Variants in SLC22A23 observed in about 807,000 individuals in gnomAD.
SLC22A23 encodes solute carrier family 22 member 23, also known as ion transporter protein.
In SLC22A23, 26 loss-of-function variants were observed where a neutral mutation model predicts 61.0. The observed-to-expected ratio is 0.43, with a 90% confidence interval of 0.31 to 0.59. The LOEUF (loss-of-function observed/expected upper bound fraction) is 0.59, where lower values mean the gene tolerates loss of function less well. SLC22A23 is among the 20% of genes least tolerant of loss of function. SLC22A23 has a pLI of 0.11. For synonymous variants in SLC22A23, 430 were observed against 413.9 expected (o/e 1.04, Z -0.47); for missense variants, 796 against 934.7 (o/e 0.85, Z 1.94).
chr6:3,353,019 T>C (rs1042703118), intron 3 of SLC22A23, among the ~76,000 whole-genome samples: 6 of 152,212 alleles, frequency 3.9e-5, no homozygotes, highest in African/African-American at 1.4e-4. Context: ...ATTATATTCA[T>C]TTTTTGCCTG....
chr6:3,410,109 A>G lies in SLC22A23; in HGVS notation c.913+79T>C. 2 of 1,500,472 alleles carry G rather than the reference A, an allele frequency of 1.3e-6. No individual in the cohort carries two copies. The highest frequency in any genetic ancestry group is 1.4e-5 in the African/African-American group (1 of 71,512). The allele number at this position is 1,500,472 out of a possible 1,614,324, so 92.9% of individuals were successfully genotyped here. A position where few individuals can be genotyped will look rare whatever the true frequency, so the allele number is the denominator to read the frequency against. On this transcript the variant is annotated intron_variant, in intron 3 of 9. Transcript: ENST00000406686. The surrounding 1 kb of genome is among the most constrained non-coding windows in gnomAD (Gnocchi z 5.0). ...GCCAGCCCACACGAGCAGCATGCAC[A>G]GTATCTTTCCCAGAACCTCCCAGGC...
At chr6:3,428,023 A>G (rs200402939) in intron 1 of SLC22A23, among the ~76,000 whole-genome samples, 2 of 152,202 alleles carry the variant, frequency 1.3e-5, no homozygotes, top group African/African-American at 4.8e-5. Context: ...GCTCTCTAAG[A>G]GTTTCCTCAG....
intron 5 of SLC22A23, among the ~76,000 whole-genome samples, chr6:3,293,648 C>T (rs899946481): frequency 3.3e-5 from 5 of 152,236 alleles, no homozygotes; most frequent in Non-Finnish European, 5.9e-5. Context: ...TGAGCCGTGG[C>T]GGTCGCCTGT....
At chr6:3,340,438 G>A (rs935589415) in intron 3 of SLC22A23, among the ~76,000 whole-genome samples, 2 of 152,162 alleles carry the variant, frequency 1.3e-5, no homozygotes, top group African/African-American at 4.8e-5. Flanking sequence ...CGTAACCGCA[G>A]CAGAGTCTAT....
At chr6:3,334,692 G>A (rs756028860) in intron 3 of SLC22A23, among the ~76,000 whole-genome samples, 11 of 152,186 alleles carry the variant, frequency 7.2e-5, no homozygotes, top group East Asian at 1.9e-4. Flanking sequence ...GAAGCCCGCC[G>A]GGTGCTAGGG....
At chr6:3,337,730 G>A (rs931067096) in intron 3 of SLC22A23, among the ~76,000 whole-genome samples, 2 of 152,142 alleles carry the variant, frequency 1.3e-5, no homozygotes, top group Non-Finnish European at 2.9e-5. Context: ...GGCTGGGCTC[G>A]GCCTTGGTGA....
intron 3 of SLC22A23, among the ~76,000 whole-genome samples, chr6:3,351,612 T>G (rs1472525140): frequency 7.1e-6 from 1 of 141,674 alleles, no homozygotes; most frequent in Non-Finnish European, 1.6e-5. Context: ...CCCACTGCTC[T>G]GGAAACCTCT....
intron 3 of SLC22A23, among the ~76,000 whole-genome samples, chr6:3,336,679 C>T (rs11967828): frequency 0.2 from 30,735 of 152,214 alleles, 3,599 homozygotes; most frequent in African/African-American, 0.31. Context: ...AGGCTCAACA[C>T]GCCCTGAATC....
At chr6:3,361,739 T>C (rs923795286) in intron 3 of SLC22A23, among the ~76,000 whole-genome samples, 2 of 152,218 alleles carry the variant, frequency 1.3e-5, no homozygotes, top group Non-Finnish European at 2.9e-5. Flanking sequence ...CCCAGTTGTC[T>C]TTTTGCTGAA....
rs147931320 is a variant in SLC22A23 at position 3,323,935 on chromosome 6, C to T, written c.981G>A (p.Ala327=). The T allele has an allele frequency of 2.2e-5, 36 of 1,614,088 alleles. No homozygotes were observed. In the African/African-American group the frequency reaches 3.5e-4, roughly 16 times the overall value. The change falls in exon 4 of 10, where the codon GCG becomes GCA. Residue 327 remains alanine, a synonymous_variant. Transcript: ENST00000406686. The part of the protein sequence containing the change: ...ITMVASFVAM[A]GQFLMPGLAA... ...CTAGCCCAGGCATGAGGAACTGGCCCGCCATGGCCACGAAGCTCGCCACCA... is the reference window on the plus strand; with the variant it reads ...CTAGCCCAGGCATGAGGAACTGGCCTGCCATGGCCACGAAGCTCGCCACCA...
intron 3 of SLC22A23, among the ~76,000 whole-genome samples, chr6:3,402,510 C>A (rs148785134): frequency 0.014 from 2,155 of 148,660 alleles, 19 homozygotes; most frequent in Middle Eastern, 0.021. Flanking sequence ...CCAGCCAACC[C>A]CAATCATCCA....
At position 3,432,809 on chromosome 6, in the gene SLC22A23, G is replaced by A. The variant is rs747952868; in HGVS notation, c.655-16954C>T. 2.6e-4 allele frequency among the ~76,000 whole-genome samples: 39 copies of A among 152,354 alleles called. 2 individuals are homozygous for A. The highest frequency in any genetic ancestry group is 6.2e-4 in the South Asian group (3 of 4,828). The stretch of plus-strand genomic sequence containing the variant: ...CCTACAGTTCGTTGCTCTTTTTAAG[G>A]TTTTTAGCAAGGAGCAGGCAAATCA... On this transcript the variant is annotated intron_variant, in intron 1 of 9. Coordinates refer to ENST00000406686, the MANE Select transcript of SLC22A23 (RefSeq NM_015482.2).
chr6:3,456,336 A>G lies in SLC22A23; in HGVS notation c.224T>C (p.Leu75Pro). Residue 75 changes from leucine (L) to proline (P), a missense_variant, in exon 1 of 10, where the codon CTC (leucine) becomes CCC (proline). Leu to Pro is a moderately conservative substitution (Grantham distance 98). Transcript: ENST00000406686. The surrounding 1 kb of genome is among the most constrained non-coding windows in gnomAD (Gnocchi z 7.1). ...CGACCCGTCATAGTCCAGCAACAAG[A>G]GGCTCGGGGCCGCAGCCGCGGAGCA... Reference protein sequence around the residue: ...SCCSAAAAPSLLLLDYDGSVL... With the variant: ...SCCSAAAAPSPLLLDYDGSVL... The G allele has an allele frequency of 1.3e-6, 2 of 1,549,400 alleles. No homozygotes were observed. The highest frequency in any genetic ancestry group is 1.7e-6 in the Non-Finnish European group (2 of 1,146,492).
intron 3 of SLC22A23, among the ~76,000 whole-genome samples, chr6:3,358,447 A>C (rs1765244326): frequency 6.6e-6 from 1 of 152,358 alleles, no homozygotes; most frequent in African/African-American, 2.4e-5. Context: ...TGGAGGAATT[A>C]TGTTAAGTGA....
intron 3 of SLC22A23, among the ~76,000 whole-genome samples, chr6:3,350,026 G>A (rs1260763074): frequency 6.6e-6 from 1 of 152,208 alleles, no homozygotes; most frequent in African/African-American, 2.4e-5. Context: ...GCACATAAAA[G>A]TCTGGTGGAT....
intron 5 of SLC22A23, among the ~76,000 whole-genome samples, chr6:3,293,422 C>T (rs912973253): frequency 1.3e-5 from 2 of 152,340 alleles, no homozygotes; most frequent in Admixed American, 6.5e-5. Flanking sequence ...CCCTCCGGGA[C>T]GGATTTAGAA....
intron 3 of SLC22A23, among the ~76,000 whole-genome samples, chr6:3,351,907 G>A (rs1187184784): frequency 6.6e-6 from 1 of 152,228 alleles, no homozygotes. Flanking sequence ...GCAGTCATGG[G>A]GACCACCTCG....
intron 9 of SLC22A23, chr6:3,283,633 C>A: frequency 1.7e-6 from 1 of 575,898 alleles, no homozygotes. Flanking sequence ...CCCCTTCCTC[C>A]TGCTGCTGCC....
intron 3 of SLC22A23, among the ~76,000 whole-genome samples, chr6:3,394,525 C>T (rs759944287): frequency 6.6e-6 from 1 of 152,170 alleles, no homozygotes; most frequent in Non-Finnish European, 1.5e-5. Flanking sequence ...TCCAGGGATG[C>T]CTACTGCATC....
Sources: allele counts gnomAD v4.1 joint callset (sites outside exome capture counted in the v4.1 genomes callset), GRCh38; gene constraint gnomAD v4.1.1; non-coding constraint Gnocchi (gnomAD v3.1); transcripts MANE v1.5; gene names NCBI Gene and HGNC (gene_info 2026-07-23, HGNC 2026-07-21).